The following GPC5 variants were observed in gnomAD, a reference collection of about 807,000 sequenced individuals.
GPC5 encodes the protein glypican-5.
In GPC5, 47 loss-of-function variants were observed where a neutral mutation model predicts 53.9. The ratio of observed to expected loss-of-function variants is 0.87; its 90% CI spans 0.69 to 1.11. The LOEUF is 1.11. GPC5 is among the 50% of genes most tolerant of loss of function. The probability of loss-of-function intolerance (pLI) is 0.00; values close to 1 mark genes in which losing one functional copy is unlikely to be tolerated. For missense variants in GPC5, 748 were observed against 713.1 expected (o/e 1.05, Z -0.56); for synonymous variants, 286 against 263.3 (o/e 1.09, Z -0.84).
intron 2 of GPC5, among the ~76,000 whole-genome samples, chr13:91,546,969 A>C (rs768593460): frequency 6.6e-6 from 1 of 152,090 alleles, no homozygotes; most frequent in Non-Finnish European, 1.5e-5. Context: ...AAAGAAGAAG[A>C]AAAATTTTAG....
intron 6 of GPC5, among the ~76,000 whole-genome samples, chr13:91,943,823 C>T (rs2039949906): frequency 6.6e-6 from 1 of 151,918 alleles, no homozygotes; most frequent in Non-Finnish European, 1.5e-5. Context: ...AAAATGAATG[C>T]CTCTAAATCT....
intron 7 of GPC5, among the ~76,000 whole-genome samples, chr13:92,598,373 G>A (rs1429222034): frequency 1.3e-5 from 2 of 151,870 alleles, no homozygotes; most frequent in African/African-American, 4.8e-5. Flanking sequence ...TCATGTGTTT[G>A]GAATGTCAGA....
intron 7 of GPC5, among the ~76,000 whole-genome samples, chr13:92,835,769 G>T (rs1467184379): frequency 6.6e-6 from 1 of 151,896 alleles, no homozygotes; most frequent in Non-Finnish European, 1.5e-5. Context: ...TTAGTATCAT[G>T]AGACTCTTAA....
intron 5 of GPC5, among the ~76,000 whole-genome samples, chr13:91,764,417 A>G (rs1170380046): frequency 2.6e-5 from 4 of 152,092 alleles, no homozygotes; most frequent in Admixed American, 6.6e-5. Flanking sequence ...AGAAAGCCAG[A>G]CTCAGAAAGG....
intron 6 of GPC5, among the ~76,000 whole-genome samples, chr13:92,040,585 T>G (rs1352044753): frequency 6.6e-6 from 1 of 152,220 alleles, no homozygotes. Context: ...CTATTTCTCC[T>G]TTGGTTTTGA....
At chr13:91,976,543 A>C (rs926997492) in intron 6 of GPC5, among the ~76,000 whole-genome samples, 1 of 152,198 alleles carries the variant, frequency 6.6e-6, no homozygotes, top group East Asian at 1.9e-4. Context: ...GTGGGAAAAC[A>C]GGAATTAGAG....
chr13:92,835,782 C>T (rs1371274945), intron 7 of GPC5, among the ~76,000 whole-genome samples: 1 of 151,912 alleles, frequency 6.6e-6, no homozygotes, highest in Non-Finnish European at 1.5e-5. Context: ...ACTCTTAAAG[C>T]TCAAATGCTC....
intron 7 of GPC5, among the ~76,000 whole-genome samples, chr13:92,246,301 TA>T (rs2042650487): frequency 6.6e-6 from 1 of 152,250 alleles, no homozygotes; most frequent in Non-Finnish European, 1.5e-5. Flanking sequence ...ATTTCTATAA[TA>T]ATAAGGATAT....
chr13:92,734,878 A>AT lies in GPC5; in HGVS notation c.1562-131399dup, dbSNP rs1888897669. On this transcript the variant is annotated intron_variant, in intron 7 of 7. Coordinates refer to ENST00000377067, the MANE Select transcript of GPC5 (RefSeq NM_004466.6). ...AGCATTCACTTTGTTATTCTTCTCTATTTTTCATAAAATTATTAAGCCATT... is the reference window on the plus strand; with the variant it reads ...AGCATTCACTTTGTTATTCTTCTCTATTTTTTCATAAAATTATTAAGCCATT... Among the ~76,000 whole-genome samples, 5 of 151,968 alleles carry AT rather than the reference A, an allele frequency of 3.3e-5. No individual in the cohort carries two copies. In the South Asian group the frequency reaches 1.0e-3, roughly 31 times the overall value.
intron 7 of GPC5, among the ~76,000 whole-genome samples, chr13:92,616,460 G>C (rs181447678): frequency 4.6e-5 from 7 of 152,204 alleles, no homozygotes; most frequent in African/African-American, 1.7e-4. Context: ...GGACATAACT[G>C]GTAAATGTGA....
chr13:91,915,378 C>A (rs1467246741), intron 6 of GPC5, among the ~76,000 whole-genome samples: 1 of 152,098 alleles, frequency 6.6e-6, no homozygotes, highest in African/African-American at 2.4e-5. Context: ...ATAAAACAAC[C>A]ATTTCAATCA....
At chr13:92,467,145 C>T (rs139125650) in intron 7 of GPC5, among the ~76,000 whole-genome samples, 4 of 152,216 alleles carry the variant, frequency 2.6e-5, no homozygotes, top group African/African-American at 9.6e-5. Context: ...TTTGAAGAAA[C>T]TCTTAGAAGT....
At chr13:92,320,055 T>C (rs1249417955) in intron 7 of GPC5, among the ~76,000 whole-genome samples, 3 of 152,166 alleles carry the variant, frequency 2.0e-5, no homozygotes, top group Non-Finnish European at 4.4e-5. Flanking sequence ...TTCAAAGTAA[T>C]TAATGTACCT....
chr13:91,566,774 A>G (rs904113929), intron 2 of GPC5, among the ~76,000 whole-genome samples: 5 of 152,178 alleles, frequency 3.3e-5, no homozygotes, highest in Admixed American at 3.3e-4. Context: ...AAAGCACATC[A>G]TATCTATATG....
At chr13:91,912,773 G>A (rs1327253094) in intron 6 of GPC5, among the ~76,000 whole-genome samples, 1 of 152,120 alleles carries the variant, frequency 6.6e-6, no homozygotes, top group Non-Finnish European at 1.5e-5. Context: ...AGGAATATCA[G>A]TAGACGTAAA....
In GPC5 at chr13:92,742,270, T is replaced by C. The variant is rs34682191; in HGVS notation, c.1562-124012T>C. Among the ~76,000 whole-genome samples, 3,190 of 149,756 alleles carry C rather than the reference T, an allele frequency of 0.021. 233 individuals carry two copies. In the East Asian group the frequency reaches 0.27, roughly 12 times the overall value. On this transcript the variant is annotated intron_variant, in intron 7 of 7. Transcript: ENST00000377067. ...TGTTGTTTCCTGACTTTTTAATGATTGCCATTCTAACTGGTGTGAGATGGT... is the reference window on the plus strand; with the variant it reads ...TGTTGTTTCCTGACTTTTTAATGATCGCCATTCTAACTGGTGTGAGATGGT...
At chr13:92,252,439 C>G (rs764097361) in intron 7 of GPC5, among the ~76,000 whole-genome samples, 1 of 151,964 alleles carries the variant, frequency 6.6e-6, no homozygotes, top group Non-Finnish European at 1.5e-5. Flanking sequence ...GATTTTGCAG[C>G]ATTAATATGA....
chr13:91,655,044 A>G (rs1038652675), intron 2 of GPC5, among the ~76,000 whole-genome samples: 2 of 152,164 alleles, frequency 1.3e-5, no homozygotes, highest in African/African-American at 4.8e-5. Context: ...ATAAATATTT[A>G]TTGAGAGACC....
At position 92,595,419 on chromosome 13, in the gene GPC5, A is replaced by G. The variant is rs115731277; in HGVS notation, c.1562-270863A>G. On this transcript the variant is annotated intron_variant, in intron 7 of 7. Coordinates refer to ENST00000377067, the MANE Select transcript of GPC5 (RefSeq NM_004466.6). Reference sequence around the variant, plus strand: ...ACAATGTTTGCAGTAAGAGTCGCCTACCATATGTAAACCTACAATTATGAG... The same window carrying G: ...ACAATGTTTGCAGTAAGAGTCGCCTGCCATATGTAAACCTACAATTATGAG... 2.3e-3 allele frequency among the ~76,000 whole-genome samples: 345 copies of G among 152,306 alleles called. 3 individuals are homozygous for G. Among genetic ancestry groups the G allele is most frequent in the African/African-American group, 7.8e-3 (326 of 41,578 alleles).
Sources: gnomAD v4.1 joint callset for allele counts (sites outside exome capture counted in the v4.1 genomes callset) on GRCh38, gnomAD v4.1.1 for gene constraint, MANE v1.5 for transcripts, NCBI Gene and HGNC (gene_info 2026-07-23, HGNC 2026-07-21) for gene names.